LRP1B: variants seen among roughly 807,000 people sequenced by gnomAD.
LRP1B encodes low-density lipoprotein receptor-related protein 1B.
In LRP1B, 217 loss-of-function variants were observed where a neutral mutation model predicts 556.6. That is an observed-to-expected ratio of 0.39 (90% CI 0.35 to 0.44). The LOEUF is 0.44. Among genes scored for constraint, LRP1B ranks in the 20% least tolerant of loss-of-function variants. The pLI is 1.00. For missense variants in LRP1B, 5,053 were observed against 5,620.8 expected (o/e 0.90, Z 3.23); for synonymous variants, 2,047 against 1,865.8 (o/e 1.10, Z -2.50).
intron 1 of LRP1B, among the ~76,000 whole-genome samples, chr2:141,983,514 A>G (rs1266239282): frequency 6.6e-6 from 1 of 152,182 alleles, no homozygotes; most frequent in Non-Finnish European, 1.5e-5. Flanking sequence ...AACACAATTT[A>G]TTCTACCTAT....
intron 3 of LRP1B, among the ~76,000 whole-genome samples, chr2:141,409,404 T>A (rs1224446781): frequency 6.6e-6 from 1 of 152,094 alleles, no homozygotes; most frequent in Non-Finnish European, 1.5e-5. Flanking sequence ...AAAACCAGTA[T>A]CAGAGAATTA....
intron 2 of LRP1B, among the ~76,000 whole-genome samples, chr2:141,518,221 G>C (rs900034808): frequency 6.6e-6 from 1 of 152,126 alleles, no homozygotes; most frequent in East Asian, 1.9e-4. Context: ...GGTAGACAGA[G>C]GAAGGAGCCT....
chr2:140,650,417 C>T (rs559590118), intron 41 of LRP1B, among the ~76,000 whole-genome samples: 1 of 151,186 alleles, frequency 6.6e-6, no homozygotes, highest in Admixed American at 6.6e-5. Context: ...GGCACAATCT[C>T]GGCTCACTGC....
intron 11 of LRP1B, among the ~76,000 whole-genome samples, chr2:141,026,802 T>C (rs1376196031): frequency 1.3e-5 from 2 of 152,050 alleles, no homozygotes; most frequent in African/African-American, 4.8e-5. Flanking sequence ...AAAGTCATAA[T>C]AAAATTAGGC....
intron 7 of LRP1B, among the ~76,000 whole-genome samples, chr2:141,112,189 A>C (rs1196017046): frequency 6.6e-6 from 1 of 152,160 alleles, no homozygotes; most frequent in African/African-American, 2.4e-5. Context: ...AGAAGAAAAA[A>C]AGAAATTCTG....
intron 1 of LRP1B, among the ~76,000 whole-genome samples, chr2:141,900,030 A>G (rs1010176831): frequency 1.3e-5 from 2 of 152,074 alleles, no homozygotes; most frequent in African/African-American, 2.4e-5. Context: ...CTGGAATTAC[A>G]TGGGGCAATT....
At chr2:141,465,759 A>G (rs913643905) in intron 3 of LRP1B, among the ~76,000 whole-genome samples, 1 of 152,044 alleles carries the variant, frequency 6.6e-6, no homozygotes, top group African/African-American at 2.4e-5. Flanking sequence ...CATGTTTTCC[A>G]GGTCTCGAAC....
chr2:142,021,430 G>A (rs183311769), intron 1 of LRP1B, among the ~76,000 whole-genome samples: 2 of 151,994 alleles, frequency 1.3e-5, no homozygotes, highest in Admixed American at 6.6e-5. Context: ...TAACAGATGA[G>A]CACAAAAGTA....
intron 1 of LRP1B, among the ~76,000 whole-genome samples, chr2:142,031,601 A>G (rs1703711434): frequency 6.7e-6 from 1 of 149,968 alleles, no homozygotes; most frequent in Non-Finnish European, 1.5e-5. Flanking sequence ...AAAAAATGAC[A>G]TATTGTCAAC....
At chr2:141,868,236 T>C (rs766193302) in intron 1 of LRP1B, among the ~76,000 whole-genome samples, 8 of 152,164 alleles carry the variant, frequency 5.3e-5, no homozygotes, top group Non-Finnish European at 1.0e-4. Flanking sequence ...AAACCTCTAG[T>C]GCTACTCGTT....
chr2:140,472,670 T>C lies in LRP1B; in HGVS notation c.9625+2468A>G, dbSNP rs537636159. Among the ~76,000 whole-genome samples the C allele has an allele frequency of 3.1e-4, 47 of 152,160 alleles. No homozygotes were observed. The South Asian group carries it at 6.4e-3, about 21-fold the overall frequency. On this transcript the variant is annotated intron_variant, in intron 60 of 90. Transcript: ENST00000389484. ...ACAGAATTTTTAGAAACCTCAGATATTCTTGGTCTAGACAAATAATAATAA... is the reference window on the plus strand; with the variant it reads ...ACAGAATTTTTAGAAACCTCAGATACTCTTGGTCTAGACAAATAATAATAA...
intron 7 of LRP1B, among the ~76,000 whole-genome samples, chr2:141,159,227 G>A (rs546681581): frequency 5.3e-5 from 8 of 152,062 alleles, no homozygotes; most frequent in Non-Finnish European, 1.2e-4. Flanking sequence ...AACTCAGAGT[G>A]ATCTTCTTCA....
chr2:140,672,789 C>T (rs902065789), intron 41 of LRP1B, among the ~76,000 whole-genome samples: 5 of 152,130 alleles, frequency 3.3e-5, no homozygotes, highest in Non-Finnish European at 7.4e-5. Flanking sequence ...TTCTCAAAAA[C>T]GTTGTGTCTT....
At chr2:140,255,507 AC>A (rs1178672219) in intron 86 of LRP1B, among the ~76,000 whole-genome samples, 2 of 152,192 alleles carry the variant, frequency 1.3e-5, no homozygotes, top group South Asian at 2.1e-4. Flanking sequence ...ATCTAAAGGC[AC>A]CTTTGCCTAT....
rs570116832 is a variant in LRP1B, at chr2:142,017,366, G to A, written c.82+113282C>T. Among the ~76,000 whole-genome samples, 24 of 152,094 alleles carry A rather than the reference G, an allele frequency of 1.6e-4. No homozygotes were observed. The South Asian group carries it at 3.5e-3, about 22-fold the overall frequency. ...AACCTTTTGTTATGAATGTATTTAC[G>A]TAATATATTTTAATTATAGTGATAA... is the stretch of plus-strand genomic sequence containing the variant. On this transcript the variant is annotated intron_variant, in intron 1 of 90. Transcript: ENST00000389484.
At chr2:140,836,305 G>A (rs544099165) in intron 31 of LRP1B, among the ~76,000 whole-genome samples, 193 of 152,248 alleles carry the variant, frequency 1.3e-3, no homozygotes, top group Non-Finnish European at 2.3e-3. Flanking sequence ...AAAGGTAAGA[G>A]ATTTGTTTAA....
At chr2:140,792,328 T>G (rs953515035) in intron 32 of LRP1B, among the ~76,000 whole-genome samples, 1 of 152,122 alleles carries the variant, frequency 6.6e-6, no homozygotes, top group Non-Finnish European at 1.5e-5. Flanking sequence ...CCTAAGAGGG[T>G]AGAGGAAAAG....
In LRP1B at chr2:141,601,643, C is replaced by CTTCCTTCCT. The variant is rs771063608; in HGVS notation, c.206-121111_206-121110insAGGAAGGAA. Among the ~76,000 whole-genome samples the CTTCCTTCCT allele has an allele frequency of 1.2e-3, 153 of 130,292 alleles. 2 individuals are homozygous for CTTCCTTCCT. The highest frequency in any genetic ancestry group is 4.1e-3 in the African/African-American group (147 of 36,252). 85.5% of individuals were successfully genotyped at this position (130,292 alleles called of 152,430 possible). A position where few individuals can be genotyped will look rare whatever the true frequency, so the allele number is the denominator to read the frequency against. On this transcript the variant is annotated intron_variant, in intron 2 of 90. Transcript: ENST00000389484. ...CCTTCCTTCCTTCCTTCCTTCCTTC[C>CTTCCTTCCT]TTTTTTTTTCCTTCCTTCCTGACAG...
chr2:140,689,875 C>G (rs1338863302), intron 41 of LRP1B, among the ~76,000 whole-genome samples: 4 of 152,134 alleles, frequency 2.6e-5, no homozygotes, highest in Non-Finnish European at 4.4e-5. Context: ...AAACAGAAAC[C>G]TTGTTAGAAT....
Sources: gnomAD v4.1 joint callset for allele counts (sites outside exome capture counted in the v4.1 genomes callset) on GRCh38, gnomAD v4.1.1 for gene constraint, MANE v1.5 for transcripts, NCBI Gene and HGNC (gene_info 2026-07-23, HGNC 2026-07-21) for gene names.